Variants in SHISA6 observed in about 807,000 individuals in gnomAD.
The protein encoded by SHISA6 is protein shisa-6.
Under a neutral mutation model 47.9 loss-of-function variants are expected in SHISA6, and 22 were observed. The observed-to-expected ratio is 0.46, with a 90% CI of 0.33 to 0.66. The LOEUF (loss-of-function observed/expected upper bound fraction) is 0.66, where lower values mean the gene tolerates loss of function less well. Among genes scored for constraint, SHISA6 ranks in the 30% least tolerant of loss-of-function variants. The probability of loss-of-function intolerance (pLI) is 0.02; values close to 1 mark genes in which losing one functional copy is unlikely to be tolerated. For synonymous variants in SHISA6, 388 were observed against 337.8 expected, an observed-to-expected ratio of 1.15 and a Z score of -1.63; for missense variants, 680 against 764.6, an observed-to-expected ratio of 0.89 and a Z score of 1.30.
At chr17:11,440,939 G>C (rs183815872) in intron 3 of SHISA6, among the ~76,000 whole-genome samples, 36 of 152,138 alleles carry the variant, frequency 2.4e-4, no homozygotes, top group Non-Finnish European at 4.1e-4. Flanking sequence ...GGCTGAGCAA[G>C]AGGAAAGGAG....
At position 11,543,910 on chromosome 17, in the gene SHISA6, C is replaced by CAAAA. The variant is rs200573876; in HGVS notation, c.896-7973_896-7970dup. ...TCTAGAGCAATTGGATATTTATAAGCAAAAAAAAAAAAAAAACAAAAAAAA... is the reference window on the plus strand; with the variant it reads ...TCTAGAGCAATTGGATATTTATAAGCAAAAAAAAAAAAAAAAAAAACAAAAAAAA... On this transcript the variant is annotated intron_variant, in intron 3 of 5. Coordinates refer to ENST00000441885, the MANE Select transcript of SHISA6 (RefSeq NM_207386.4). 9.5e-4 allele frequency among the ~76,000 whole-genome samples: 92 copies of CAAAA among 96,376 alleles called. 3 individuals carry two copies. Among genetic ancestry groups the CAAAA allele is most frequent in the African/African-American group, 3.0e-3 (86 of 28,594 alleles). 63.2% of individuals were successfully genotyped at this position (96,376 alleles called of 152,430 possible).
At chr17:11,469,982 A>G (rs143991487) in intron 3 of SHISA6, among the ~76,000 whole-genome samples, 1 of 152,264 alleles carries the variant, frequency 6.6e-6, no homozygotes, top group African/African-American at 2.4e-5. Context: ...TGTCCATACA[A>G]AGAGAAGAAG....
In SHISA6 at chr17:11,263,429, T is replaced by C; in HGVS notation, c.702T>C (p.Thr234=). Residue 234 remains threonine, a synonymous_variant, in exon 2 of 6, where the codon ACT becomes ACC. Coordinates refer to ENST00000441885, the MANE Select transcript of SHISA6 (RefSeq NM_207386.4). ...PIPIAHCERE[T]ISAIDTSPKE... ...CCATAGCACACTGTGAAAGAGAAACTATCTCGGCTATCGATACCTCTCCCA... is the reference window on the plus strand; with the variant it reads ...CCATAGCACACTGTGAAAGAGAAACCATCTCGGCTATCGATACCTCTCCCA... 1 of 1,551,928 alleles carries C rather than the reference T, an allele frequency of 6.4e-7. No individual in the cohort carries two copies.
chr17:11,370,143 C>T (rs371744943), intron 2 of SHISA6, among the ~76,000 whole-genome samples: 60 of 152,284 alleles, frequency 3.9e-4, no homozygotes, highest in Middle Eastern at 3.4e-3. Flanking sequence ...TTTAGCCCCT[C>T]TAAAACCTCT....
rs531157315 is a variant in SHISA6, at chr17:11,424,368, T to G, written c.895+44859T>G. 2.6e-5 allele frequency among the ~76,000 whole-genome samples: 4 copies of G among 152,194 alleles called. No individual in the cohort carries two copies. In the South Asian group the frequency reaches 6.2e-4, roughly 24 times the overall value. ...TAGGATTTTGTGTATGAAATCATCA[T>G]CAACCATCAATTTATAACCAGCTAA... On this transcript the variant is annotated intron_variant, in intron 3 of 5. Transcript: ENST00000441885.
chr17:11,538,765 C>G (rs2071808367), intron 3 of SHISA6, among the ~76,000 whole-genome samples: 1 of 152,184 alleles, frequency 6.6e-6, no homozygotes, highest in African/African-American at 2.4e-5. Flanking sequence ...TGGCCTTAAG[C>G]ATCTAAACTT....
intron 2 of SHISA6, among the ~76,000 whole-genome samples, chr17:11,374,798 C>T (rs940949892): frequency 4.6e-5 from 7 of 151,840 alleles, no homozygotes; most frequent in African/African-American, 1.7e-4. Context: ...ACTAGTACTA[C>T]TGTTCTAAAT....
At chr17:11,414,942 C>T (rs963739012) in intron 3 of SHISA6, among the ~76,000 whole-genome samples, 13 of 151,864 alleles carry the variant, frequency 8.6e-5, no homozygotes, top group Non-Finnish European at 1.0e-4. Context: ...AAAAATTAGC[C>T]GGGCGTGGTG....
intron 3 of SHISA6, among the ~76,000 whole-genome samples, chr17:11,451,230 C>G (rs1025680303): frequency 6.6e-6 from 1 of 152,100 alleles, no homozygotes; most frequent in Non-Finnish European, 1.5e-5. Context: ...CTGCCCCCTT[C>G]AATAGGCTCT....
Position 11,391,707 on chromosome 17 carries a change from T to G in SHISA6, c.895+12198T>G, listed in dbSNP as rs545114826. Among the ~76,000 whole-genome samples the G allele has an allele frequency of 1.7e-4, 26 of 152,308 alleles. 1 individual carries two copies. In the South Asian group the frequency reaches 5.0e-3, roughly 29 times the overall value. ...TGGCCCCAATCATGGATAGTTTCAC[T>G]GTTGCAGGCCTCAGTTTCCTCATGT... On this transcript the variant is annotated intron_variant, in intron 3 of 5. Coordinates refer to ENST00000441885, the MANE Select transcript of SHISA6 (RefSeq NM_207386.4).
intron 2 of SHISA6, among the ~76,000 whole-genome samples, chr17:11,376,162 G>A (rs960831778): frequency 6.6e-6 from 1 of 152,134 alleles, no homozygotes; most frequent in East Asian, 1.9e-4. Context: ...AAGGAAGGGG[G>A]TGGTTCTTTG....
In SHISA6 at chr17:11,557,882, C is replaced by T. The variant is rs909247684; in HGVS notation, c.1234C>T (p.Arg412Trp). The T allele has an allele frequency of 1.4e-5, 21 of 1,551,440 alleles. No individual in the cohort carries two copies. In the East Asian group the frequency reaches 3.7e-4, roughly 27 times the overall value. ...QKPLPRERPR[R>W]PIRAMSQDRV... ...GCCGTTGCCAAGGGAACGACCCCGCCGGCCCATCCGGGCCATGTCCCAGGA... is the reference window on the plus strand; with the variant it reads ...GCCGTTGCCAAGGGAACGACCCCGCTGGCCCATCCGGGCCATGTCCCAGGA... The change falls in exon 6 of 6, where the codon CGG (arginine) becomes TGG (tryptophan). Residue 412 changes from arginine (R) to tryptophan (W), a missense_variant. Physicochemically the swap from Arg to Trp is moderately radical, Grantham distance 101. Coordinates refer to ENST00000441885, the MANE Select transcript of SHISA6 (RefSeq NM_207386.4).
At chr17:11,460,976 G>A in intron 3 of SHISA6, among the ~76,000 whole-genome samples, 1 of 152,240 alleles carries the variant, frequency 6.6e-6, no homozygotes, top group South Asian at 2.1e-4. Context: ...TTTAGCATAG[G>A]ATTTTATTGA....
intron 2 of SHISA6, among the ~76,000 whole-genome samples, chr17:11,360,847 A>T (rs1429364236): frequency 6.6e-6 from 1 of 151,434 alleles, no homozygotes; most frequent in Admixed American, 6.6e-5. Flanking sequence ...CCAGGAAATT[A>T]ATGTGGAGCT....
intron 2 of SHISA6, among the ~76,000 whole-genome samples, chr17:11,273,275 A>G (rs1016835505): frequency 6.6e-6 from 1 of 152,210 alleles, no homozygotes; most frequent in African/African-American, 2.4e-5. Flanking sequence ...GACCAGAGGT[A>G]CAGACAGGGC....
chr17:11,341,000 AG>A (rs1911506558), intron 2 of SHISA6, among the ~76,000 whole-genome samples: 1 of 152,362 alleles, frequency 6.6e-6, no homozygotes, highest in Admixed American at 6.5e-5. Flanking sequence ...AGCAGGAAGC[AG>A]CCCCAAGACT....
chr17:11,299,144 C>T (rs889802257), intron 2 of SHISA6, among the ~76,000 whole-genome samples: 1 of 152,180 alleles, frequency 6.6e-6, no homozygotes, highest in African/African-American at 2.4e-5. Flanking sequence ...GGATGGACCA[C>T]ATTTCTTCAT....
intron 3 of SHISA6, among the ~76,000 whole-genome samples, chr17:11,396,499 T>C (rs1190742664): frequency 6.6e-6 from 1 of 152,228 alleles, no homozygotes; most frequent in African/African-American, 2.4e-5. Flanking sequence ...TTTGAGTGTA[T>C]ACCCAGTAAT....
At chr17:11,430,143 A>C (rs1052377249) in intron 3 of SHISA6, among the ~76,000 whole-genome samples, 8 of 152,176 alleles carry the variant, frequency 5.3e-5, no homozygotes, top group African/African-American at 1.9e-4. Context: ...TTAAGATTAC[A>C]AGCCAGAGTT....
Sources: allele counts gnomAD v4.1 joint callset (sites outside exome capture counted in the v4.1 genomes callset), GRCh38; gene constraint gnomAD v4.1.1; transcripts MANE v1.5; gene names NCBI Gene and HGNC (gene_info 2026-07-23, HGNC 2026-07-21).